The following TMEM163 variants were observed in gnomAD, a reference collection of about 807,000 sequenced individuals.
TMEM163 encodes the protein transmembrane protein 163.
Under a neutral mutation model 29.3 loss-of-function variants are expected in TMEM163, and 17 were observed. That is an observed-to-expected ratio of 0.58 (90% CI 0.40 to 0.87). TMEM163 has a LOEUF of 0.87. Ranked by LOEUF, TMEM163 falls within the 40% of genes least tolerant of loss-of-function variation. The probability of loss-of-function intolerance (pLI) is 0.00; values close to 1 mark genes in which losing one functional copy is unlikely to be tolerated. For synonymous variants in TMEM163, 157 were observed against 160.6 expected (o/e 0.98, Z 0.17); for missense variants, 303 against 381.5 (o/e 0.79, Z 1.71).
intron 2 of TMEM163, among the ~76,000 whole-genome samples, chr2:134,669,799 G>C (rs1683950152): frequency 6.6e-6 from 1 of 152,188 alleles, no homozygotes; most frequent in African/African-American, 2.4e-5. Context: ...GAAGACGTCT[G>C]GCAACTGCAA....
chr2:134,539,574 T>C (rs1252924497), intron 4 of TMEM163, among the ~76,000 whole-genome samples: 1 of 152,182 alleles, frequency 6.6e-6, no homozygotes, highest in Non-Finnish European at 1.5e-5. Context: ...ACAAAAACTG[T>C]ATATGTATCT....
intron 2 of TMEM163, among the ~76,000 whole-genome samples, chr2:134,709,141 C>A (rs1684875158): frequency 6.6e-6 from 1 of 152,182 alleles, no homozygotes. Flanking sequence ...TGAAACAGAA[C>A]TTCTGTTCTC....
chr2:134,471,732 C>T (rs927917519), intron 5 of TMEM163, among the ~76,000 whole-genome samples: 10 of 152,142 alleles, frequency 6.6e-5, no homozygotes, highest in African/African-American at 1.4e-4. Flanking sequence ...TCTCAAGGTG[C>T]GGCCGCACCT....
intron 2 of TMEM163, among the ~76,000 whole-genome samples, chr2:134,587,256 CA>C (rs1293016986): frequency 6.6e-6 from 1 of 152,084 alleles, no homozygotes; most frequent in African/African-American, 2.4e-5. Flanking sequence ...ACTAAAAATA[CA>C]AAAAATTAGC....
chr2:134,658,098 TATTG>T (rs1290025151), intron 2 of TMEM163, among the ~76,000 whole-genome samples: 1 of 152,260 alleles, frequency 6.6e-6, no homozygotes, highest in Non-Finnish European at 1.5e-5. Context: ...TTGTTACTTT[TATTG>T]ATTGTCAGGC....
Position 134,460,670 on chromosome 2 carries a change from GAA to G in TMEM163, c.668-2499_668-2498del, listed in dbSNP as rs1219899569. 9.9e-5 allele frequency among the ~76,000 whole-genome samples: 15 copies of G among 152,272 alleles called. No homozygotes were observed. The East Asian group carries it at 2.7e-3, about 27-fold the overall frequency. The stretch of plus-strand genomic sequence containing the variant: ...GCAAGCCCAAGCCAGGTGCTGCTCA[GAA>G]AAGAGGCAAAAGCGTGAGGTTCCCC... On this transcript the variant is annotated intron_variant, in intron 6 of 7. Transcript: ENST00000281924. This position sits in a 1 kb window ranked among gnomAD's most constrained non-coding sequence, Gnocchi z 4.3.
chr2:134,584,190 C>T (rs1681758800), intron 2 of TMEM163, among the ~76,000 whole-genome samples: 1 of 152,166 alleles, frequency 6.6e-6, no homozygotes, highest in African/African-American at 2.4e-5. Flanking sequence ...ATTTTGGATG[C>T]CCTAATTGAT....
intron 2 of TMEM163, among the ~76,000 whole-genome samples, chr2:134,689,309 T>C (rs1420070046): frequency 6.6e-6 from 1 of 152,128 alleles, no homozygotes; most frequent in Non-Finnish European, 1.5e-5. Context: ...GGTTTCACCA[T>C]GTTGGTCAGG....
At chr2:134,668,814 G>GTA (rs982967810) in intron 2 of TMEM163, among the ~76,000 whole-genome samples, 1 of 151,974 alleles carries the variant, frequency 6.6e-6, no homozygotes, top group African/African-American at 2.4e-5. Flanking sequence ...AAGCATACAT[G>GTA]TATATATATA....
intron 2 of TMEM163, among the ~76,000 whole-genome samples, chr2:134,651,004 AC>A (rs1351437476): frequency 1.0e-5 from 1 of 99,116 alleles, no homozygotes; most frequent in Non-Finnish European, 1.9e-5. Context: ...CAATAAACAT[AC>A]GTGTGCATGT....
chr2:134,512,810 C>T (rs1171652102), intron 4 of TMEM163, among the ~76,000 whole-genome samples: 4 of 152,202 alleles, frequency 2.6e-5, no homozygotes, highest in Non-Finnish European at 5.9e-5. Flanking sequence ...ACAGGGCGCA[C>T]AAACTTGGAA....
chr2:134,552,292 C>T (rs1680947333), intron 2 of TMEM163, among the ~76,000 whole-genome samples: 2 of 152,196 alleles, frequency 1.3e-5, no homozygotes, highest in Admixed American at 6.5e-5. Context: ...CCTGCAACAA[C>T]TTCCCCTCAC....
At chr2:134,677,223 G>T (rs558456838) in intron 2 of TMEM163, among the ~76,000 whole-genome samples, 1 of 152,164 alleles carries the variant, frequency 6.6e-6, no homozygotes, top group Non-Finnish European at 1.5e-5. Flanking sequence ...ACGTTGGGAC[G>T]GAGGCTGCAG....
chr2:134,634,335 C>T (rs189654081), intron 2 of TMEM163, among the ~76,000 whole-genome samples: 31 of 152,244 alleles, frequency 2.0e-4, no homozygotes, highest in Non-Finnish European at 3.5e-4. Flanking sequence ...CAAAGCTGCT[C>T]TGTGCCTCAT....
intron 2 of TMEM163, among the ~76,000 whole-genome samples, chr2:134,612,758 A>G (rs1325268950): frequency 1.3e-5 from 2 of 152,248 alleles, no homozygotes; most frequent in Non-Finnish European, 2.9e-5. Flanking sequence ...CAGCCAAAAC[A>G]AATCAGCAAC....
At chr2:134,530,854 T>G (rs900371622) in intron 4 of TMEM163, among the ~76,000 whole-genome samples, 1 of 152,164 alleles carries the variant, frequency 6.6e-6, no homozygotes, top group African/African-American at 2.4e-5. Flanking sequence ...CCTCAACACA[T>G]ACCCATGTGC....
chr2:134,526,483 C>T (rs1235522334), intron 4 of TMEM163, among the ~76,000 whole-genome samples: 1 of 152,140 alleles, frequency 6.6e-6, no homozygotes, highest in Non-Finnish European at 1.5e-5. Flanking sequence ...AACCTACAAA[C>T]CCTATCACCA....
intron 2 of TMEM163, among the ~76,000 whole-genome samples, chr2:134,711,261 C>T (rs1322411762): frequency 6.6e-6 from 1 of 152,090 alleles, no homozygotes; most frequent in Non-Finnish European, 1.5e-5. Flanking sequence ...ATCAGCAACC[C>T]TAACAACACA....
intron 5 of TMEM163, among the ~76,000 whole-genome samples, chr2:134,471,768 G>A (rs1224405557): frequency 1.3e-5 from 2 of 152,172 alleles, no homozygotes; most frequent in Non-Finnish European, 2.9e-5. Flanking sequence ...TCTCAGCACT[G>A]TCAGAGTGGG....
Sources: gnomAD v4.1 joint callset for allele counts (sites outside exome capture counted in the v4.1 genomes callset) on GRCh38, gnomAD v4.1.1 for gene constraint, Gnocchi (gnomAD v3.1) non-coding constraint, MANE v1.5 for transcripts, NCBI Gene and HGNC (gene_info 2026-07-23, HGNC 2026-07-21) for gene names.